Variants in AIM2 observed in about 807,000 individuals in gnomAD.
The protein encoded by AIM2 is absent in melanoma 2.
A neutral mutation model predicts 27.7 loss-of-function variants in AIM2; 30 were observed. That is an observed-to-expected ratio of 1.08 (90% confidence interval 0.81 to 1.47). AIM2 has a LOEUF of 1.47. Ranked by LOEUF, AIM2 falls within the 40% of genes most tolerant of loss-of-function variation. AIM2 has a pLI of 0.00. For synonymous variants in AIM2, 141 were observed against 145.3 expected (o/e 0.97, Z 0.21); for missense variants, 358 against 411.3 (o/e 0.87, Z 1.12).
chr1:159,069,976 T>A (rs4657695), intron 2 of AIM2, among the ~76,000 whole-genome samples: 5 of 152,216 alleles, frequency 3.3e-5, no homozygotes, highest in Admixed American at 6.5e-5. Flanking sequence ...CAACACCTGC[T>A]GTCAGAGGGA....
intron 1 of AIM2, among the ~76,000 whole-genome samples, chr1:159,097,999 T>C (rs970230492): frequency 3.3e-5 from 5 of 152,190 alleles, no homozygotes; most frequent in Admixed American, 2.0e-4. Flanking sequence ...CTCTATGGTA[T>C]AGTTCAGAGT....
At chr1:159,104,264 T>C (rs1165851924) in intron 1 of AIM2, among the ~76,000 whole-genome samples, 1 of 152,044 alleles carries the variant, frequency 6.6e-6, no homozygotes, top group African/African-American at 2.4e-5. Flanking sequence ...ATTGAAACAA[T>C]ATGGTATCAT....
At chr1:159,086,536 C>G (rs1460930953) in intron 1 of AIM2, among the ~76,000 whole-genome samples, 2 of 152,170 alleles carry the variant, frequency 1.3e-5, no homozygotes, top group East Asian at 3.8e-4. Flanking sequence ...TTCTTACTCA[C>G]CCCCAGGTCC....
intron 1 of AIM2, among the ~76,000 whole-genome samples, chr1:159,116,449 A>G (rs1373989056): frequency 1.3e-5 from 2 of 152,218 alleles, no homozygotes; most frequent in Non-Finnish European, 2.9e-5. Context: ...TCCAACAATG[A>G]TAGACTGGAT....
intron 1 of AIM2, among the ~76,000 whole-genome samples, chr1:159,092,799 G>A (rs554113157): frequency 4.6e-5 from 7 of 152,046 alleles, no homozygotes; most frequent in African/African-American, 1.5e-4. Flanking sequence ...CTAGGTGGGC[G>A]GATCAATTGA....
chr1:159,056,087 T>C, the AIM2 span, among the ~76,000 whole-genome samples: 1 of 152,196 alleles, frequency 6.6e-6, no homozygotes, highest in Non-Finnish European at 1.5e-5. Context: ...AACATGGGAA[T>C]CCTTATCATG....
intron 1 of AIM2, among the ~76,000 whole-genome samples, chr1:159,132,876 A>G (rs1647928254): frequency 6.6e-6 from 1 of 152,106 alleles, no homozygotes; most frequent in Non-Finnish European, 1.5e-5. Flanking sequence ...ACAGTAACTA[A>G]TCCAAATTTC....
chr1:159,141,744 G>A (rs1246913920), upstream of AIM2, among the ~76,000 whole-genome samples: 5 of 151,904 alleles, frequency 3.3e-5, no homozygotes, highest in Non-Finnish European at 5.9e-5. Flanking sequence ...CTGCATCACC[G>A]AGCCATCTCA....
At position 159,069,566 on chromosome 1, in the gene AIM2, G is replaced by A. The variant is rs1472458550; in HGVS notation, c.263-865C>T. On this transcript the variant is annotated intron_variant, in intron 2 of 5. Coordinates refer to ENST00000368130, the MANE Select transcript of AIM2 (RefSeq NM_004833.3). ...TCTTTCTTTTTTTTTTTTTTGAGAC[G>A]GAGTCTCACTCCGTCACCCAAGCTG... Among the ~76,000 whole-genome samples the A allele has an allele frequency of 4.1e-5, 6 of 148,138 alleles. No individual in the cohort carries two copies. The South Asian group carries it at 6.4e-4, about 16-fold the overall frequency.
intron 1 of AIM2, among the ~76,000 whole-genome samples, chr1:159,074,448 T>C (rs888161386): frequency 4.0e-5 from 6 of 151,256 alleles, no homozygotes; most frequent in African/African-American, 1.5e-4. Context: ...TCATTTTTAA[T>C]GATTTTTTTT....
intron 1 of AIM2, among the ~76,000 whole-genome samples, chr1:159,136,012 C>T (rs761699257): frequency 1.3e-4 from 20 of 152,220 alleles, no homozygotes; most frequent in African/African-American, 4.3e-4. Context: ...AGTCCTAACA[C>T]GACCCTTTCC....
chr1:159,113,087 G>A (rs1489953436), intron 1 of AIM2, among the ~76,000 whole-genome samples: 2 of 151,992 alleles, frequency 1.3e-5, no homozygotes, highest in African/African-American at 2.4e-5. Flanking sequence ...TGGGACTACA[G>A]GCATCCGCCA....
chr1:159,074,837 GTGTA>G (rs2101989659), intron 1 of AIM2, among the ~76,000 whole-genome samples: 1 of 152,192 alleles, frequency 6.6e-6, no homozygotes, highest in African/African-American at 2.4e-5. Context: ...ACTTAAGTGG[GTGTA>G]TGTCTGATAT....
rs528582680 is a variant in AIM2 at position 159,126,081 on chromosome 1, T to C, written c.-16+14350A>G. Among the ~76,000 whole-genome samples the C allele has an allele frequency of 1.1e-3, 173 of 152,350 alleles. 1 individual carries two copies. The highest frequency in any genetic ancestry group is 2.2e-3 in the Non-Finnish European group (150 of 68,032). On this transcript the variant is annotated intron_variant, in intron 1 of 2. Transcript: ENST00000368129. ...AAAGCTGTGTGCAAAGGAATGTTCC[T>C]TCATTTCTGCCTCTAACTTGAATCT...
At chr1:159,118,194 C>T (rs958816478) in intron 1 of AIM2, among the ~76,000 whole-genome samples, 7 of 152,222 alleles carry the variant, frequency 4.6e-5, no homozygotes, top group Non-Finnish European at 1.0e-4. Flanking sequence ...TCAAGGCTTA[C>T]ACACTGCATG....
intron 1 of AIM2, among the ~76,000 whole-genome samples, chr1:159,089,268 A>G (rs1263425300): frequency 6.6e-6 from 1 of 152,240 alleles, no homozygotes; most frequent in Non-Finnish European, 1.5e-5. Context: ...ATGAGAAAAT[A>G]GAGGCTTAGC....
chr1:159,082,620 G>A (rs1157851732), intron 1 of AIM2, among the ~76,000 whole-genome samples: 1 of 152,056 alleles, frequency 6.6e-6, no homozygotes, highest in Admixed American at 6.6e-5. Context: ...GTCCTCACAT[G>A]GCAGAAGAGA....
intron 1 of AIM2, among the ~76,000 whole-genome samples, chr1:159,133,163 C>G (rs993370899): frequency 6.6e-6 from 1 of 151,722 alleles, no homozygotes; most frequent in Non-Finnish European, 1.5e-5. Context: ...TATTTATGTA[C>G]TTGCTCTTGT....
intron 1 of AIM2, among the ~76,000 whole-genome samples, chr1:159,113,803 G>C (rs1181194842): frequency 6.6e-6 from 1 of 152,214 alleles, no homozygotes; most frequent in Non-Finnish European, 1.5e-5. Flanking sequence ...ACATATATCA[G>C]ATAGAGTTCT....
Sources: gnomAD v4.1 joint callset for allele counts (sites outside exome capture counted in the v4.1 genomes callset) on GRCh38, gnomAD v4.1.1 for gene constraint, MANE v1.5 for transcripts, NCBI Gene and HGNC (gene_info 2026-07-23, HGNC 2026-07-21) for gene names.